PCDHGA1: variants seen among roughly 807,000 people sequenced by gnomAD.
PCDHGA1 encodes the protein protocadherin gamma-A1.
PCDHGA1 carries 32 observed loss-of-function variants against 58.0 expected under a neutral mutation model. The observed-to-expected ratio is 0.55, with a 90% CI of 0.42 to 0.74. The LOEUF is 0.74. PCDHGA1 is among the 30% of genes least tolerant of loss of function. The pLI, the probability that PCDHGA1 is intolerant of heterozygous loss-of-function variation, is 0.00. For missense variants in PCDHGA1, 1,205 were observed against 1,182.3 expected (o/e 1.02, Z -0.28); for synonymous variants, 498 against 501.1 (o/e 0.99, Z 0.08).
At chr5:141,364,212 A>T in intron 1 of PCDHGA1, 1 of 1,252,416 alleles carries the variant, frequency 8.0e-7, no homozygotes, top group South Asian at 1.7e-5. Flanking sequence ...ACAAGCTCCT[A>T]CGAAAAGCCA....
In PCDHGA1 at chr5:141,491,257, G is replaced by A. The variant is rs754721047; in HGVS notation, c.2422-3550G>A. 2 of 1,614,170 alleles carry A rather than the reference G, an allele frequency of 1.2e-6. No individual in the cohort carries two copies. The highest frequency in any genetic ancestry group is 3.3e-5 in the Admixed American group (2 of 60,020). On this transcript the variant is annotated intron_variant, in intron 1 of 3. Coordinates refer to ENST00000517417, the MANE Select transcript of PCDHGA1 (RefSeq NM_018912.3). This position sits in a 1 kb window ranked among gnomAD's most constrained non-coding sequence, Gnocchi z 6.9. ...GGTTCTGGAGGATGAGGACCCTGAG[G>A]AAATGCCCAAATCCAGTGACTTCCT... is the stretch of plus-strand genomic sequence containing the variant.
At chr5:141,344,940 A>G in intron 1 of PCDHGA1, 1 of 1,613,934 alleles carries the variant, frequency 6.2e-7, no homozygotes, top group Non-Finnish European at 8.5e-7. Context: ...AGAAGTATCA[A>G]TATTAAAAAG....
In PCDHGA1 at chr5:141,476,218, C is replaced by G. The variant is rs1562052166; in HGVS notation, c.2422-18589C>G. On this transcript the variant is annotated intron_variant, in intron 1 of 3. Transcript: ENST00000517417. The surrounding 1 kb of genome is among the most constrained non-coding windows in gnomAD (Gnocchi z 7.6). ...TGAACAAGGCTTCCACGGTCATTCA[C>G]TATGAGATCCCGGAGGAAAGAGAGA... is the stretch of plus-strand genomic sequence containing the variant. 1 of 1,613,984 alleles carries G rather than the reference C, an allele frequency of 6.2e-7. No homozygotes were observed.
At chr5:141,394,989 C>T in intron 1 of PCDHGA1, 1 of 1,614,030 alleles carries the variant, frequency 6.2e-7, no homozygotes. Flanking sequence ...ACGCCTGCTC[C>T]AGGATTCCGG....
chr5:141,366,025 C>T (rs1764265075), intron 1 of PCDHGA1: 1 of 1,614,128 alleles, frequency 6.2e-7, no homozygotes, highest in Non-Finnish European at 8.5e-7. Context: ...TCCTGTACCC[C>T]GCCCTCCCCA....
At position 141,330,617 on chromosome 5, in the gene PCDHGA1, T is replaced by C; in HGVS notation, c.-68T>C. ...AATTCTCCTGAAAATTGGGTTAATT[T>C]CAGCTCAGAAAAGCAGAAACGATAC... On this transcript the variant is annotated 5_prime_UTR_variant, in exon 1 of 4. Coordinates refer to ENST00000517417, the MANE Select transcript of PCDHGA1 (RefSeq NM_018912.3). 1 of 1,493,888 alleles carries C rather than the reference T, an allele frequency of 6.7e-7. No individual in the cohort carries two copies. The highest frequency in any genetic ancestry group is 9.0e-7 in the Non-Finnish European group (1 of 1,115,444). 92.5% of individuals were successfully genotyped at this position (1,493,888 alleles called of 1,614,324 possible). A position where few individuals can be genotyped will look rare whatever the true frequency, so the allele number is the denominator to read the frequency against.
At chr5:141,509,454 G>T (rs1164813611) in intron 3 of PCDHGA1, among the ~76,000 whole-genome samples, 2 of 151,976 alleles carry the variant, frequency 1.3e-5, no homozygotes, top group African/African-American at 2.4e-5. Flanking sequence ...TCCCACCCCC[G>T]ACCCAGTCAG....
intron 1 of PCDHGA1, among the ~76,000 whole-genome samples, chr5:141,470,385 T>C (rs1278833959): frequency 1.3e-5 from 2 of 152,206 alleles, no homozygotes; most frequent in Non-Finnish European, 2.9e-5. Flanking sequence ...GACTACTCGA[T>C]GATATTTAGG....
intron 1 of PCDHGA1, chr5:141,390,401 A>G (rs1471626291): frequency 2.3e-6 from 3 of 1,328,496 alleles, no homozygotes; most frequent in Admixed American, 2.3e-5. Flanking sequence ...TCATTTTAGG[A>G]AAGTTGTAGT....
intron 1 of PCDHGA1, among the ~76,000 whole-genome samples, chr5:141,436,713 G>C (rs2097842329): frequency 6.6e-6 from 1 of 152,308 alleles, no homozygotes; most frequent in East Asian, 1.9e-4. Flanking sequence ...TCGATGTTCT[G>C]TTGGGAAAAA....
At chr5:141,409,538 A>G (rs772375542) in intron 1 of PCDHGA1, 5 of 1,613,844 alleles carry the variant, frequency 3.1e-6, no homozygotes, top group Non-Finnish European at 4.2e-6. Flanking sequence ...CGCTGACATC[A>G]ACGACAACGC....
chr5:141,332,732 A>G lies in PCDHGA1; in HGVS notation c.2048A>G (p.Lys683Arg), dbSNP rs62378404. 1 of 1,613,496 alleles carries G rather than the reference A, an allele frequency of 6.2e-7. No homozygotes were observed. The highest frequency in any genetic ancestry group is 1.1e-5 in the South Asian group (1 of 91,066). ...CTGGGCAGCCTCGAGCCCTCCGCCA[A>G]ACCCAACGATTCGGACCTCACTCTG... ...ADLGSLEPSAKPNDSDLTLYL... is the reference protein window; with the variant it reads ...ADLGSLEPSARPNDSDLTLYL... Residue 683 changes from lysine (K) to arginine (R), a missense_variant, in exon 1 of 4, where the codon AAA (lysine) becomes AGA (arginine). Coordinates refer to ENST00000517417, the MANE Select transcript of PCDHGA1 (RefSeq NM_018912.3). The surrounding 1 kb of genome is among the most constrained non-coding windows in gnomAD (Gnocchi z 4.6).
At chr5:141,497,541 T>C (rs1157403777) in intron 2 of PCDHGA1, among the ~76,000 whole-genome samples, 9 of 89,564 alleles carry the variant, frequency 1.0e-4, no homozygotes, top group Non-Finnish European at 2.1e-4. Context: ...GCAACAAACC[T>C]TTTTTTTTTT....
intron 2 of PCDHGA1, among the ~76,000 whole-genome samples, chr5:141,497,661 T>A (rs1485909952): frequency 3.3e-5 from 5 of 151,062 alleles, no homozygotes; most frequent in African/African-American, 4.9e-5. Context: ...TGCCTCAGCC[T>A]CCCGAGTAGC....
intron 1 of PCDHGA1, chr5:141,371,939 C>T (rs1561553418): frequency 6.2e-7 from 1 of 1,613,300 alleles, no homozygotes; most frequent in South Asian, 1.1e-5. Context: ...GGGTGGTGTT[C>T]GCGCAGCGAG....
intron 1 of PCDHGA1, chr5:141,400,209 G>A: frequency 6.2e-7 from 1 of 1,614,052 alleles, no homozygotes; most frequent in South Asian, 1.1e-5. Context: ...CCTTGGCCTT[G>A]ATCTCAGTGC....
chr5:141,343,244 C>T (rs1402008696), intron 1 of PCDHGA1: 20 of 919,146 alleles, frequency 2.2e-5, no homozygotes, highest in Non-Finnish European at 2.6e-5. Context: ...CAACAAATAT[C>T]GAAACTAAGT....
chr5:141,441,631 C>A, intron 1 of PCDHGA1: 2 of 226,308 alleles, frequency 8.8e-6, no homozygotes, highest in Non-Finnish European at 1.8e-5. Context: ...GACCTGGAGC[C>A]ACAGGCGCTG....
chr5:141,340,416 A>G, intron 1 of PCDHGA1: 1 of 1,614,172 alleles, frequency 6.2e-7, no homozygotes, highest in East Asian at 2.2e-5. Flanking sequence ...CCCGACAGCA[A>G]CGACAATGCT....
Sources: gnomAD v4.1 joint callset for allele counts (sites outside exome capture counted in the v4.1 genomes callset) on GRCh38, gnomAD v4.1.1 for gene constraint, Gnocchi (gnomAD v3.1) non-coding constraint, MANE v1.5 for transcripts, NCBI Gene and HGNC (gene_info 2026-07-23, HGNC 2026-07-21) for gene names.